The following ERG variants were observed in gnomAD, a reference collection of about 807,000 sequenced individuals.
The protein encoded by ERG is ETS transcription factor ERG, also known as transcriptional regulator ERG.
A neutral mutation model predicts 55.3 loss-of-function variants in ERG; 9 were observed. That is an observed-to-expected ratio of 0.16 (90% CI 0.10 to 0.28). The LOEUF (loss-of-function observed/expected upper bound fraction) is 0.28. Ranked by LOEUF, ERG falls within the 10% of genes least tolerant of loss-of-function variation. The pLI is 1.00. For synonymous variants in ERG, 223 were observed against 237.3 expected (o/e 0.94, Z 0.55); for missense variants, 434 against 631.6 (o/e 0.69, Z 3.35).
intron 3 of ERG, among the ~76,000 whole-genome samples, chr21:38,410,959 C>T (rs547284712): frequency 2.1e-4 from 32 of 152,152 alleles, no homozygotes; most frequent in Non-Finnish European, 3.7e-4. Context: ...TACCTCTAAG[C>T]CATATCACAA....
At chr21:38,622,777 T>C (rs1255539563) in intron 1 of ERG, among the ~76,000 whole-genome samples, 2 of 114,398 alleles carry the variant, frequency 1.7e-5, no homozygotes, top group African/African-American at 3.4e-5. Flanking sequence ...CACACACACA[T>C]CACATACACA....
intron 2 of ERG, among the ~76,000 whole-genome samples, 155 bp from the exon 3 acceptor site, chr21:38,423,716 C>G (rs544308629): frequency 1.3e-5 from 2 of 152,106 alleles, no homozygotes; most frequent in African/African-American, 4.8e-5. Context: ...GGCGGGGTGC[C>G]GTGGCTCATG....
chr21:38,400,243 C>T (rs1988421126), intron 6 of ERG: 3 of 454,764 alleles, frequency 6.6e-6, no homozygotes, highest in Admixed American at 6.5e-5. Flanking sequence ...TTGTTTTGTG[C>T]TCTTCCCCCG....
At chr21:38,628,023 A>G (rs1031161701) in intron 1 of ERG, among the ~76,000 whole-genome samples, 1 of 149,912 alleles carries the variant, frequency 6.7e-6, no homozygotes, top group Non-Finnish European at 1.5e-5. Flanking sequence ...ATCTTGGCTC[A>G]CTGCAGCCCC....
At chr21:38,661,483 G>C (rs142697686) in intron 1 of ERG, among the ~76,000 whole-genome samples, 3,572 of 152,278 alleles carry the variant, frequency 0.023, 56 homozygotes, top group Non-Finnish European at 0.035. Context: ...ACCGCGGCCT[G>C]GTCTGACCGA....
chr21:38,459,651 G>C (rs1315833494), intron 1 of ERG, among the ~76,000 whole-genome samples: 1 of 152,140 alleles, frequency 6.6e-6, no homozygotes, highest in Non-Finnish European at 1.5e-5. Context: ...TTATTCAGAG[G>C]ATTTAGAAGT....
chr21:38,532,592 C>T (rs2059680745), intron 2 of ERG, among the ~76,000 whole-genome samples: 2 of 152,130 alleles, frequency 1.3e-5, no homozygotes, highest in Non-Finnish European at 2.9e-5. Flanking sequence ...GGAATGAGAA[C>T]AGCCAAAAGC....
chr21:38,445,840 G>A (rs1331808527), intron 1 of ERG, among the ~76,000 whole-genome samples: 1 of 151,878 alleles, frequency 6.6e-6, no homozygotes. Flanking sequence ...TGCAGGTCTC[G>A]AAGCATCCCA....
chr21:38,600,399 C>T (rs569000585), intron 1 of ERG, among the ~76,000 whole-genome samples: 17 of 152,138 alleles, frequency 1.1e-4, no homozygotes, highest in African/African-American at 3.1e-4. Context: ...AGACAGAAAA[C>T]GTCCCCTGAA....
intron 2 of ERG, among the ~76,000 whole-genome samples, chr21:38,574,863 T>A (rs924177816): frequency 1.3e-5 from 2 of 152,222 alleles, no homozygotes; most frequent in African/African-American, 4.8e-5. Context: ...ATAGTTGAAC[T>A]AACCAGCACA....
Position 38,382,714 on chromosome 21 carries a change from C to T in ERG, c.*689G>A. The T allele has an allele frequency of 1.9e-6, 2 of 1,066,806 alleles. No homozygotes were observed. The highest frequency in any genetic ancestry group is 2.3e-6 in the Non-Finnish European group (2 of 879,888). 66.1% of individuals were successfully genotyped at this position (1,066,806 alleles called of 1,614,324 possible). ...TCCTCCTTCTTCACCCCTCTGTCTACAATCACACGCTCACTCTATACACAT... is the reference window on the plus strand; with the variant it reads ...TCCTCCTTCTTCACCCCTCTGTCTATAATCACACGCTCACTCTATACACAT... On this transcript the variant is annotated 3_prime_UTR_variant, in exon 10 of 10. Coordinates refer to ENST00000288319, the MANE Select transcript of ERG (RefSeq NM_182918.4).
At chr21:38,534,029 A>G (rs2059691434) in intron 2 of ERG, among the ~76,000 whole-genome samples, 1 of 152,116 alleles carries the variant, frequency 6.6e-6, no homozygotes, top group South Asian at 2.1e-4. Flanking sequence ...CTTCACTTAT[A>G]CTAAACACTT....
chr21:38,377,241 G>C (rs1987267154), downstream of ERG, among the ~76,000 whole-genome samples: 1 of 152,180 alleles, frequency 6.6e-6, no homozygotes, highest in African/African-American at 2.4e-5. Flanking sequence ...AAAAGTAGTA[G>C]CAATTAGTAT....
intron 1 of ERG, among the ~76,000 whole-genome samples, chr21:38,489,337 G>T (rs2059315475): frequency 6.6e-6 from 1 of 152,218 alleles, no homozygotes; most frequent in Non-Finnish European, 1.5e-5. Context: ...CAGCTCTTGG[G>T]ATGGACAGAG....
At chr21:38,463,446 G>T (rs1157550297) in intron 1 of ERG, among the ~76,000 whole-genome samples, 4 of 152,342 alleles carry the variant, frequency 2.6e-5, no homozygotes, top group South Asian at 4.1e-4. Flanking sequence ...TGAGGGCAGA[G>T]ACTTTTTTCT....
At chr21:38,502,096 G>A (rs1375854585), upstream of ERG, among the ~76,000 whole-genome samples, 1 of 152,220 alleles carries the variant, frequency 6.6e-6, no homozygotes, top group Non-Finnish European at 1.5e-5. Flanking sequence ...AGAGCAAAGA[G>A]AGGAGATCCG....
intron 2 of ERG, among the ~76,000 whole-genome samples, chr21:38,524,260 A>G (rs1454209280): frequency 6.6e-6 from 1 of 152,232 alleles, no homozygotes; most frequent in Non-Finnish European, 1.5e-5. Flanking sequence ...AATTGCTTTA[A>G]TCAGCTGCCA....
chr21:38,375,690 C>T (rs1987222050), downstream of ERG, among the ~76,000 whole-genome samples: 1 of 152,204 alleles, frequency 6.6e-6, no homozygotes, highest in Admixed American at 6.5e-5. Context: ...ACATAGTGTT[C>T]ACTCAACTGA....
chr21:38,461,834 C>T (rs2059045678), intron 1 of ERG, among the ~76,000 whole-genome samples: 1 of 152,178 alleles, frequency 6.6e-6, no homozygotes, highest in Non-Finnish European at 1.5e-5. Flanking sequence ...GATGAAGTTT[C>T]ACTCTTGTCA....
Sources: gnomAD v4.1 joint callset for allele counts (sites outside exome capture counted in the v4.1 genomes callset) on GRCh38, gnomAD v4.1.1 for gene constraint, MANE v1.5 for transcripts, NCBI Gene and HGNC (gene_info 2026-07-23, HGNC 2026-07-21) for gene names.